Variants in TRPM3 observed in about 807,000 individuals in gnomAD.
TRPM3 encodes the protein long transient receptor potential channel 3.
A neutral mutation model predicts 181.2 loss-of-function variants in TRPM3; 77 were observed. The ratio of observed to expected loss-of-function variants is 0.42; its 90% CI spans 0.35 to 0.51. The LOEUF (loss-of-function observed/expected upper bound fraction) is 0.51. TRPM3 is among the 20% of genes least tolerant of loss of function. TRPM3 has a pLI of 0.01. For synonymous variants in TRPM3, 745 were observed against 796.4 expected (o/e 0.94, Z 1.09); for missense variants, 1,759 against 2,196.7 (o/e 0.80, Z 3.98).
chr9:70,614,329 A>T (rs1231984624), intron 18 of TRPM3, among the ~76,000 whole-genome samples: 2 of 151,610 alleles, frequency 1.3e-5, no homozygotes, highest in Admixed American at 1.3e-4. Flanking sequence ...AAAAAAAAAA[A>T]AAAAAGGCCA....
rs75821608 is a variant in TRPM3, at chr9:71,099,026, C to T, written c.177+22152G>A. ...AATACTTTGGCTTCACACCATGACA[C>T]TGAAGCCAAAGCAATATTAGCTGAT... On this transcript the variant is annotated intron_variant, in intron 1 of 25. Transcript: ENST00000677713. Among the ~76,000 whole-genome samples the T allele has an allele frequency of 4.8e-3, 737 of 152,254 alleles. 18 individuals are homozygous for T. The East Asian group carries it at 0.077, about 16-fold the overall frequency.
At chr9:70,753,650 G>C (rs1340746568) in intron 8 of TRPM3, among the ~76,000 whole-genome samples, 1 of 152,168 alleles carries the variant, frequency 6.6e-6, no homozygotes. Context: ...CAGATTGCTT[G>C]AGGCGTTTGA....
intron 1 of TRPM3, among the ~76,000 whole-genome samples, chr9:71,003,653 A>G (rs1016944958): frequency 6.6e-6 from 1 of 152,132 alleles, no homozygotes; most frequent in African/African-American, 2.4e-5. Flanking sequence ...AATGTATCTC[A>G]GTGTAGGTTG....
intron 1 of TRPM3, among the ~76,000 whole-genome samples, chr9:71,413,591 A>T (rs892953417): frequency 6.6e-6 from 1 of 152,150 alleles, no homozygotes; most frequent in East Asian, 1.9e-4. Context: ...CCCAAAATTC[A>T]TGTATTAGAA....
At chr9:70,790,458 A>C (rs538160304) in intron 6 of TRPM3, among the ~76,000 whole-genome samples, 4 of 152,188 alleles carry the variant, frequency 2.6e-5, no homozygotes, top group African/African-American at 9.6e-5. Context: ...ACAGTTAGCA[A>C]TTCCTTGCCT....
chr9:71,426,317 G>T (rs1320791300), intron 1 of TRPM3, among the ~76,000 whole-genome samples: 3 of 151,094 alleles, frequency 2.0e-5, no homozygotes, highest in Non-Finnish European at 4.4e-5. Context: ...GTTTTTTGAG[G>T]TTTTTTTAAT....
chr9:70,579,789 C>T (rs144854135), intron 22 of TRPM3, among the ~76,000 whole-genome samples: 1 of 152,198 alleles, frequency 6.6e-6, no homozygotes, highest in Non-Finnish European at 1.5e-5. Flanking sequence ...CTGCCAGGAC[C>T]CTTGACAAAA....
intron 1 of TRPM3, among the ~76,000 whole-genome samples, chr9:71,351,014 T>C (rs1350419546): frequency 6.6e-6 from 1 of 152,220 alleles, no homozygotes; most frequent in East Asian, 1.9e-4. Context: ...AAAGGCCTTT[T>C]TGATTTGGAA....
rs58475380 is a variant in TRPM3, at chr9:70,840,800, T to C, written c.801+2203A>G. On this transcript the variant is annotated intron_variant, in intron 5 of 25. Coordinates refer to ENST00000677713, the MANE Select transcript of TRPM3 (RefSeq NM_001366145.2). ...CAAACAAAATAATACAAAGAGCCAG[T>C]AGGCCAGCATTCTCTGCAAATGCTT... Among the ~76,000 whole-genome samples the C allele has an allele frequency of 9.0e-3, 1,373 of 152,258 alleles. 19 individuals carry two copies. The highest frequency in any genetic ancestry group is 0.031 in the African/African-American group (1,308 of 41,556).
chr9:70,637,905 A>G (rs886254708), intron 11 of TRPM3, among the ~76,000 whole-genome samples: 1 of 152,158 alleles, frequency 6.6e-6, no homozygotes, highest in Admixed American at 6.5e-5. Context: ...GTTGAAAGTT[A>G]ATTTCCAATG....
chr9:70,822,134 G>T (rs888350853), intron 6 of TRPM3, among the ~76,000 whole-genome samples: 9 of 152,278 alleles, frequency 5.9e-5, no homozygotes, highest in Middle Eastern at 3.4e-3. Context: ...CCACCAGAAA[G>T]TGTCCCTTCC....
rs2091934949 is a variant in TRPM3, at chr9:70,811,075, G to A, written c.973+16772C>T. 3.1e-6 allele frequency: 3 copies of A among 963,728 alleles called. No individual in the cohort carries two copies. In the East Asian group the frequency reaches 7.8e-5, roughly 25 times the overall value. The allele number at this position is 963,728 out of a possible 1,614,324, so 59.7% of individuals were successfully genotyped here. On this transcript the variant is annotated intron_variant, in intron 6 of 25. Transcript: ENST00000677713. ...AGATAAAACAACAGTCATAGGGAGT[G>A]ATACTGTTAGGAAATTATAAAGGAA...
chr9:70,766,449 A>C (rs2079140960), intron 7 of TRPM3, among the ~76,000 whole-genome samples: 1 of 152,130 alleles, frequency 6.6e-6, no homozygotes, highest in Non-Finnish European at 1.5e-5. Flanking sequence ...TGTGACCCCC[A>C]TAGATATTTT....
At chr9:71,231,183 A>G (rs1365151238) in intron 1 of TRPM3, among the ~76,000 whole-genome samples, 1 of 152,194 alleles carries the variant, frequency 6.6e-6, no homozygotes, top group African/African-American at 2.4e-5. Context: ...AAAGGACTTT[A>G]CGGTTGACTG....
chr9:70,663,026 C>A (rs2061342440), intron 9 of TRPM3, among the ~76,000 whole-genome samples: 1 of 151,948 alleles, frequency 6.6e-6, no homozygotes, highest in South Asian at 2.1e-4. Context: ...AAAGAAAATG[C>A]AGTATATACA....
intron 6 of TRPM3, among the ~76,000 whole-genome samples, chr9:70,822,785 G>A (rs190615711): frequency 0.079 from 11,950 of 151,868 alleles, 747 homozygotes; most frequent in East Asian, 0.28. Flanking sequence ...GTGTGTGTGT[G>A]TGTGTGTGTG....
intron 22 of TRPM3, among the ~76,000 whole-genome samples, chr9:70,554,498 G>A (rs1027561467): frequency 6.6e-6 from 1 of 152,154 alleles, no homozygotes; most frequent in Non-Finnish European, 1.5e-5. Flanking sequence ...TCCGTTGCTA[G>A]GCTGCACATT....
intron 1 of TRPM3, among the ~76,000 whole-genome samples, chr9:71,230,487 AAAG>A (rs1222473356): frequency 4.6e-5 from 7 of 152,210 alleles, no homozygotes; most frequent in African/African-American, 1.7e-4. Flanking sequence ...TTTATAACAC[AAAG>A]AATAAATGCT....
In TRPM3 at chr9:71,138,977, T is replaced by C. The variant is rs1054822046; in HGVS notation, c.184-274466A>G. On this transcript the variant is annotated intron_variant, in intron 1 of 24. Transcript: ENST00000357533. Reference sequence around the variant, plus strand: ...TATAAAGAATGCCTCATGATTAGTATATTTAAAGGGGTCTCTTAATTTGGT... The same window carrying C: ...TATAAAGAATGCCTCATGATTAGTACATTTAAAGGGGTCTCTTAATTTGGT... Among the ~76,000 whole-genome samples the C allele has an allele frequency of 4.6e-5, 7 of 152,326 alleles. No homozygotes were observed. In the East Asian group the frequency reaches 1.3e-3, roughly 29 times the overall value.
Sources: allele counts gnomAD v4.1 joint callset (sites outside exome capture counted in the v4.1 genomes callset), GRCh38; gene constraint gnomAD v4.1.1; transcripts MANE v1.5; gene names NCBI Gene and HGNC (gene_info 2026-07-23, HGNC 2026-07-21).